The following LMF1 variants were observed in gnomAD, a reference collection of about 807,000 sequenced individuals.
LMF1 encodes the protein lipase maturation factor 1.
A neutral mutation model predicts 60.6 loss-of-function variants in LMF1; 68 were observed. The ratio of observed to expected loss-of-function variants is 1.12; its 90% CI spans 0.92 to 1.37. The LOEUF (loss-of-function observed/expected upper bound fraction) is 1.37. Ranked by LOEUF, LMF1 falls within the 40% of genes most tolerant of loss-of-function variation. LMF1 has a pLI of 0.00. For missense variants in LMF1, 948 were observed against 767.2 expected, an observed-to-expected ratio of 1.24 and a Z score of -2.78; for synonymous variants, 418 against 324.7, an observed-to-expected ratio of 1.29 and a Z score of -3.09.
At chr16:908,414 C>A (rs2071022899) in intron 4 of LMF1, among the ~76,000 whole-genome samples, 1 of 152,204 alleles carries the variant, frequency 6.6e-6, no homozygotes, top group Non-Finnish European at 1.5e-5. Flanking sequence ...TCAGCCAGGA[C>A]CCTGCCCGAC....
At chr16:890,296 A>C (rs2070444851) in intron 5 of LMF1, among the ~76,000 whole-genome samples, 1 of 152,150 alleles carries the variant, frequency 6.6e-6, no homozygotes, top group Admixed American at 6.5e-5. Flanking sequence ...GGCCCCCGGG[A>C]AGCAAGAAAA....
At chr16:976,629 C>T (rs78985167) in intron 1 of LMF1, 25 of 453,930 alleles carry the variant, frequency 5.5e-5, no homozygotes, top group South Asian at 1.7e-4. Context: ...AGAGCAAATG[C>T]GTGCTGTTGG....
intron 3 of LMF1, among the ~76,000 whole-genome samples, chr16:929,669 C>G (rs921431916): frequency 6.6e-6 from 1 of 152,264 alleles, no homozygotes; most frequent in Non-Finnish European, 1.5e-5. Context: ...TACCGTCAGG[C>G]TCCTTCTTTG....
At chr16:857,088 T>C (rs2069207266) in intron 10 of LMF1, among the ~76,000 whole-genome samples, 1 of 152,242 alleles carries the variant, frequency 6.6e-6, no homozygotes, top group Non-Finnish European at 1.5e-5. Flanking sequence ...CCAGGTCGTG[T>C]GATGGAGGCT....
rs74004004 is a variant in LMF1 at position 874,925 on chromosome 16, C to T, written c.898-3584G>A. On this transcript the variant is annotated intron_variant, in intron 6 of 10. Coordinates refer to ENST00000262301, the MANE Select transcript of LMF1 (RefSeq NM_022773.4). This position sits in a 1 kb window ranked among gnomAD's most constrained non-coding sequence, Gnocchi z 4.1. ...TCCCCCAGACACCCTCTGCCCTGTACGCCTGTGGGGGCAAAAGCCCTAGTT... is the reference window on the plus strand; with the variant it reads ...TCCCCCAGACACCCTCTGCCCTGTATGCCTGTGGGGGCAAAAGCCCTAGTT... Among the ~76,000 whole-genome samples, 4,319 of 152,260 alleles carry T rather than the reference C, an allele frequency of 0.028. 185 individuals carry two copies. Among genetic ancestry groups the T allele is most frequent in the African/African-American group, 0.09 (3,734 of 41,526 alleles).
At chr16:940,122 G>A (rs1371278288) in intron 2 of LMF1, among the ~76,000 whole-genome samples, 2 of 152,140 alleles carry the variant, frequency 1.3e-5, no homozygotes, top group African/African-American at 4.8e-5. Flanking sequence ...TCCAGGGGCT[G>A]GAAGAGACGA....
chr16:875,717 T>C (rs1233569886), intron 6 of LMF1, among the ~76,000 whole-genome samples: 2 of 152,012 alleles, frequency 1.3e-5, no homozygotes, highest in African/African-American at 4.8e-5. Flanking sequence ...GCCTGGGCTG[T>C]GTGTCCAGGG....
chr16:883,427 A>C (rs2151719170), intron 5 of LMF1, among the ~76,000 whole-genome samples: 1 of 152,382 alleles, frequency 6.6e-6, no homozygotes, highest in Non-Finnish European at 1.5e-5. Flanking sequence ...TAAGCCACTG[A>C]GGCTTGGGGT....
At chr16:927,913 G>A (rs1017781646) in intron 3 of LMF1, among the ~76,000 whole-genome samples, 4 of 152,338 alleles carry the variant, frequency 2.6e-5, no homozygotes, top group African/African-American at 4.8e-5. Flanking sequence ...CACGCACGGC[G>A]ACACTTGGCC....
chr16:951,764 G>C lies in LMF1; in HGVS notation c.503+2593C>G, dbSNP rs1597061855. On this transcript the variant is annotated intron_variant, in intron 2 of 10. Coordinates refer to ENST00000262301, the MANE Select transcript of LMF1 (RefSeq NM_022773.4). ...GAGGCGGCGGAACCTCACACCTCCAGTGAAGACTGCAGAGCGACGTCCTCA... is the reference window on the plus strand; with the variant it reads ...GAGGCGGCGGAACCTCACACCTCCACTGAAGACTGCAGAGCGACGTCCTCA... 5.3e-5 allele frequency among the ~76,000 whole-genome samples: 8 copies of C among 152,378 alleles called. 2 individuals are homozygous for C.
intron 10 of LMF1, among the ~76,000 whole-genome samples, chr16:866,116 C>G (rs533371652): frequency 1.3e-5 from 2 of 152,184 alleles, no homozygotes; most frequent in East Asian, 3.8e-4. Flanking sequence ...TATCATCTGT[C>G]GACTGTCCTT....
intron 10 of LMF1, 85 bp downstream of exon 10, chr16:868,858 TG>T: frequency 5.3e-6 from 4 of 758,116 alleles, no homozygotes; most frequent in Non-Finnish European, 4.4e-6. Context: ...CGTGAGCAGG[TG>T]GGGGTGCAGG....
chr16:871,547 G>C, intron 6 of LMF1: 1 of 596,622 alleles, frequency 1.7e-6, no homozygotes, highest in Non-Finnish European at 3.0e-6. Flanking sequence ...CTTCCGGCAG[G>C]TGCTTCCAGA....
chr16:889,229 G>A (rs1473896560), intron 5 of LMF1, among the ~76,000 whole-genome samples: 3 of 152,244 alleles, frequency 2.0e-5, no homozygotes, highest in African/African-American at 4.8e-5. Flanking sequence ...CCTCCAGGGG[G>A]CTGGCCCCTT....
intron 10 of LMF1, chr16:855,621 CGGAAGCTT>C (rs1567128708): frequency 4.5e-6 from 2 of 442,324 alleles, no homozygotes; most frequent in Non-Finnish European, 9.1e-6. Flanking sequence ...GCAGCAGGAG[CGGAAGCTT>C]CTCAGCCCAC....
intron 2 of LMF1, among the ~76,000 whole-genome samples, chr16:944,629 C>T (rs2072191449): frequency 6.6e-6 from 1 of 152,160 alleles, no homozygotes; most frequent in African/African-American, 2.4e-5. Flanking sequence ...TGGGGAGGCT[C>T]GTCCTGCACC....
intron 4 of LMF1, among the ~76,000 whole-genome samples, chr16:908,997 G>C (rs137986950): frequency 3.3e-4 from 51 of 152,314 alleles, no homozygotes; most frequent in African/African-American, 1.1e-3. Flanking sequence ...AGGGGCCCTG[G>C]TGTTGAGGTC....
chr16:956,803 C>T (rs2072714707), intron 1 of LMF1, among the ~76,000 whole-genome samples: 1 of 144,360 alleles, frequency 6.9e-6, no homozygotes, highest in Non-Finnish European at 1.5e-5. Context: ...AAGATTGCGC[C>T]ACTGCACTCC....
chr16:914,291 T>A (rs2071207564), intron 3 of LMF1, among the ~76,000 whole-genome samples: 1 of 151,984 alleles, frequency 6.6e-6, no homozygotes, highest in Admixed American at 6.5e-5. Context: ...TACAAACCCT[T>A]CCAGCACCCT....
Sources: gnomAD v4.1 joint callset for allele counts (sites outside exome capture counted in the v4.1 genomes callset) on GRCh38, gnomAD v4.1.1 for gene constraint, Gnocchi (gnomAD v3.1) non-coding constraint, MANE v1.5 for transcripts, NCBI Gene and HGNC (gene_info 2026-07-23, HGNC 2026-07-21) for gene names.